Variants in AGO3 observed in about 807,000 individuals in gnomAD.
The protein encoded by AGO3 is protein argonaute-3.
AGO3 carries 16 observed loss-of-function variants against 105.5 expected under a neutral mutation model. That is an observed-to-expected ratio of 0.15 (90% CI 0.10 to 0.23). AGO3 has a LOEUF of 0.23. Ranked by LOEUF, AGO3 falls within the 10% of genes least tolerant of loss-of-function variation. AGO3 has a pLI of 1.00. For synonymous variants in AGO3, 340 were observed against 367.3 expected (o/e 0.93, Z 0.85); for missense variants, 534 against 1,088.0 (o/e 0.49, Z 7.16).
intron 14 of AGO3, 77 bp from the exon 15 acceptor site, chr1:36,039,713 G>T: frequency 9.7e-7 from 1 of 1,026,090 alleles, no homozygotes; most frequent in Non-Finnish European, 1.3e-6. Context: ...AAATAAAAAT[G>T]TAAATGAAAT....
Position 36,014,531 on chromosome 1 carries a change from G to T in AGO3, c.1406+483G>T, listed in dbSNP as rs966544900. Among the ~76,000 whole-genome samples the T allele has an allele frequency of 2.0e-5, 3 of 151,608 alleles. No homozygotes were observed. The East Asian group carries it at 6.0e-4, about 30-fold the overall frequency. On this transcript the variant is annotated intron_variant, in intron 11 of 18. Coordinates refer to ENST00000373191, the MANE Select transcript of AGO3 (RefSeq NM_024852.4). ...TCACACCTGTAATCCCAGCACTTTG[G>T]GAGGCCAGGGCGGGTGGATCACAAG...
chr1:35,963,286 A>G (rs1011342115), intron 2 of AGO3, among the ~76,000 whole-genome samples: 2 of 152,200 alleles, frequency 1.3e-5, no homozygotes, highest in Admixed American at 6.6e-5. Flanking sequence ...AGTACTTTGC[A>G]TCAATCAGAA....
At position 36,030,651 on chromosome 1, in the gene AGO3, A is replaced by G. The variant is rs370226494; in HGVS notation, c.1591+3353A>G. Among the ~76,000 whole-genome samples, 7 of 152,308 alleles carry G rather than the reference A, an allele frequency of 4.6e-5. No individual in the cohort carries two copies. The East Asian group carries it at 9.6e-4, about 21-fold the overall frequency. On this transcript the variant is annotated intron_variant, in intron 12 of 18. Transcript: ENST00000373191. ...TAATACGTTGCTGATGGTAGTATAA[A>G]TTGATATTACCTTTTTCATCAAAAC...
chr1:35,952,934 A>G (rs1282311604), intron 2 of AGO3, among the ~76,000 whole-genome samples: 3 of 152,244 alleles, frequency 2.0e-5, no homozygotes, highest in African/African-American at 7.2e-5. Flanking sequence ...TATGGATATA[A>G]TACATTTTGT....
At chr1:35,934,361 TA>T (rs1275731534) in intron 1 of AGO3, among the ~76,000 whole-genome samples, 1 of 152,236 alleles carries the variant, frequency 6.6e-6, no homozygotes, top group Admixed American at 6.5e-5. Context: ...GTGGAAGTTT[TA>T]TACAGTCTTG....
chr1:36,014,158 G>T, intron 11 of AGO3, 110 bp downstream of exon 11: 1 of 1,422,278 alleles, frequency 7.0e-7, no homozygotes, highest in Non-Finnish European at 9.6e-7. Flanking sequence ...TGTAATCACT[G>T]AACCATTTTT....
chr1:36,011,802 A>G (rs1037763657), intron 9 of AGO3, among the ~76,000 whole-genome samples: 5 of 152,164 alleles, frequency 3.3e-5, no homozygotes, highest in Non-Finnish European at 5.9e-5. Context: ...TTTGGCAATC[A>G]TTTTACTTTA....
intron 8 of AGO3, 57 bp downstream of exon 8, chr1:36,009,101 T>C (rs1000404484): frequency 6.8e-7 from 1 of 1,468,368 alleles, no homozygotes; most frequent in Non-Finnish European, 8.9e-7. Context: ...TTTGGGGTCT[T>C]TTATGGCCGA....
In AGO3 at chr1:35,972,129, C is replaced by T; in HGVS notation, c.418C>T (p.Leu140=). The change falls in exon 4 of 19, where the codon CTG becomes TTG. Residue 140 remains leucine, a synonymous_variant. Coordinates refer to ENST00000373191, the MANE Select transcript of AGO3 (RefSeq NM_024852.4). ...RVSWHLLHEV[L]TGRTLPEPLE... ...GAGTTGGCACCTACTGCATGAAGTA[C>T]TGACAGGACGGACCTTGCCTGAGCC... The T allele has an allele frequency of 6.2e-7, 1 of 1,614,106 alleles. No homozygotes were observed. The highest frequency in any genetic ancestry group is 8.5e-7 in the Non-Finnish European group (1 of 1,180,008).
chr1:36,036,426 A>C (rs1443205996), intron 14 of AGO3, among the ~76,000 whole-genome samples, 159 bp downstream of exon 14: 1 of 152,224 alleles, frequency 6.6e-6, no homozygotes, highest in African/African-American at 2.4e-5. Context: ...GGAGTTTGGA[A>C]GTTCCATATG....
At chr1:35,970,827 T>G (rs1205686967) in intron 3 of AGO3, among the ~76,000 whole-genome samples, 1 of 151,588 alleles carries the variant, frequency 6.6e-6, no homozygotes, top group Non-Finnish European at 1.5e-5. Context: ...CCTCTCAGGC[T>G]CAAACGATCC....
chr1:35,989,311 T>A (rs536763590), intron 5 of AGO3, among the ~76,000 whole-genome samples: 1 of 152,358 alleles, frequency 6.6e-6, no homozygotes, highest in African/African-American at 2.4e-5. Flanking sequence ...AACTTTCAAC[T>A]GTGTAATTAA....
Position 36,013,739 on chromosome 1 carries a change from A to G in AGO3, c.1259A>G (p.Gln420Arg). The G allele has an allele frequency of 6.2e-7, 1 of 1,614,090 alleles. No individual in the cohort carries two copies. Among genetic ancestry groups the G allele is most frequent in the Non-Finnish European group, 8.5e-7 (1 of 1,179,928 alleles). The change falls in exon 10 of 19, where the codon CAG becomes CGG. Residue 420 changes from glutamine (Q) to arginine (R), a missense_variant. Transcript: ENST00000373191. Reference sequence around the variant, plus strand: ...CGCGTACTTCCAGCACCTATGCTCCAGTATGGAGGACGGGTAAAGTCTCTT... The same window carrying G: ...CGCGTACTTCCAGCACCTATGCTCCGGTATGGAGGACGGGTAAAGTCTCTT... ...TGRVLPAPMLQYGGRNRTVAT... is the reference protein window; with the variant it reads ...TGRVLPAPMLRYGGRNRTVAT...
chr1:35,945,969 C>A, intron 2 of AGO3, 106 bp downstream of exon 2: 2 of 1,133,464 alleles, frequency 1.8e-6, no homozygotes, highest in Non-Finnish European at 2.4e-6. Flanking sequence ...AACAGTTTGA[C>A]CAAAAACATC....
chr1:36,064,038 A>C lies in AGO3; in HGVS notation c.*8293A>C, dbSNP rs1289920555. ...TGGGATTACAGCCATGAGCCACTGC[A>C]TCTGGCCAAGATCAAGATTATGGAT... On this transcript the variant is annotated 3_prime_UTR_variant, in exon 19 of 19. Transcript: ENST00000373191. The C allele has an allele frequency of 6.6e-6, 1 of 152,142 alleles. No homozygotes were observed. The highest frequency in any genetic ancestry group is 2.4e-5 in the African/African-American group (1 of 41,416). 9.4% of individuals were successfully genotyped at this position (152,142 alleles called of 1,614,324 possible). A position where few individuals can be genotyped will look rare whatever the true frequency, so the allele number is the denominator to read the frequency against.
intron 16 of AGO3, among the ~76,000 whole-genome samples, chr1:36,041,898 A>G (rs914742373): frequency 1.1e-4 from 16 of 152,186 alleles, no homozygotes; most frequent in African/African-American, 3.9e-4. Context: ...CTCAGTAAAG[A>G]TTGGCTAGCT....
intron 5 of AGO3, among the ~76,000 whole-genome samples, chr1:36,003,461 G>A (rs1407708767): frequency 3.3e-5 from 5 of 151,964 alleles, no homozygotes; most frequent in African/African-American, 9.6e-5. Context: ...TTGGGAGGCT[G>A]AGGCAGGCGG....
At chr1:36,017,602 A>G (rs1471152309) in intron 11 of AGO3, among the ~76,000 whole-genome samples, 1 of 152,138 alleles carries the variant, frequency 6.6e-6, no homozygotes, top group Non-Finnish European at 1.5e-5. Flanking sequence ...GCCTCATTAC[A>G]TTAACTCCAA....
At chr1:36,010,239 A>T (rs1397521919) in intron 9 of AGO3, among the ~76,000 whole-genome samples, 1 of 151,334 alleles carries the variant, frequency 6.6e-6, no homozygotes, top group African/African-American at 2.4e-5. Context: ...GCACCCGGCC[A>T]ATACTAAAAT....
Sources: gnomAD v4.1 joint callset for allele counts (sites outside exome capture counted in the v4.1 genomes callset) on GRCh38, gnomAD v4.1.1 for gene constraint, MANE v1.5 for transcripts, NCBI Gene and HGNC (gene_info 2026-07-23, HGNC 2026-07-21) for gene names.